The following DOCK3 variants were observed in gnomAD, a reference collection of about 807,000 sequenced individuals.
DOCK3 encodes dedicator of cytokinesis protein 3.
DOCK3 carries 60 observed loss-of-function variants against 265.6 expected under a neutral mutation model. The ratio of observed to expected loss-of-function variants is 0.23; its 90% CI spans 0.18 to 0.28. The LOEUF is 0.28. DOCK3 is among the 10% of genes least tolerant of loss of function. DOCK3 has a pLI of 1.00. For synonymous variants in DOCK3, 881 were observed against 938.0 expected (o/e 0.94, Z 1.11); for missense variants, 1,981 against 2,594.3 (o/e 0.76, Z 5.14).
In DOCK3 at chr3:51,107,192, G is replaced by GA. The variant is rs200220461; in HGVS notation, c.746+16817dup. ...CAAGGTCATTAAGTAGTATAAAAGG[G>GA]AAAAAAAAACCATCCAAAGGATAGC... On this transcript the variant is annotated intron_variant, in intron 9 of 52. Coordinates refer to ENST00000266037, the MANE Select transcript of DOCK3 (RefSeq NM_004947.5). 1.7e-3 allele frequency among the ~76,000 whole-genome samples: 251 copies of GA among 150,128 alleles called. 1 individual carries two copies. Among genetic ancestry groups the GA allele is most frequent in the Admixed American group, 6.5e-3 (98 of 15,066 alleles).
In DOCK3 at chr3:50,937,426, G is replaced by A. The variant is rs560759584; in HGVS notation, c.315+3349G>A. On this transcript the variant is annotated intron_variant, in intron 5 of 52. Coordinates refer to ENST00000266037, the MANE Select transcript of DOCK3 (RefSeq NM_004947.5). The stretch of plus-strand genomic sequence containing the variant: ...TCCCAGCACTTTGGGAGGCCGAGGC[G>A]GGCAGATCACGAGGTCAGGAGATTG... Among the ~76,000 whole-genome samples, 16 of 152,160 alleles carry A rather than the reference G, an allele frequency of 1.1e-4. No individual in the cohort carries two copies. In the South Asian group the frequency reaches 2.3e-3, roughly 22 times the overall value.
At chr3:51,019,946 G>A (rs571448346) in intron 5 of DOCK3, among the ~76,000 whole-genome samples, 9 of 151,884 alleles carry the variant, frequency 5.9e-5, no homozygotes, top group South Asian at 4.2e-4. Context: ...ATATATGTGC[G>A]CATGTGTCTT....
chr3:50,888,562 A>C (rs2107714726), intron 3 of DOCK3, among the ~76,000 whole-genome samples: 1 of 152,280 alleles, frequency 6.6e-6, no homozygotes, highest in South Asian at 2.1e-4. Flanking sequence ...AGTCAATCCT[A>C]AGCCGAAAGA....
intron 12 of DOCK3, among the ~76,000 whole-genome samples, chr3:51,188,896 A>G (rs978600989): frequency 1.9e-4 from 29 of 152,314 alleles, no homozygotes; most frequent in African/African-American, 6.7e-4. Context: ...TAGTGCTGCA[A>G]TAAACATGTG....
In DOCK3 at chr3:50,901,776, T is replaced by C. The variant is rs902239833; in HGVS notation, c.218+11695T>C. ...TGGGTGAGGCGACACCCTACCCTGC[T>C]TCAGCTCTCCCTCTGTGGGTTGCAC... On this transcript the variant is annotated intron_variant, in intron 4 of 52. Coordinates refer to ENST00000266037, the MANE Select transcript of DOCK3 (RefSeq NM_004947.5). The C allele has an allele frequency of 1.8e-5, 8 of 433,156 alleles. No individual in the cohort carries two copies. The Admixed American group carries it at 1.9e-4, about 10-fold the overall frequency. 26.8% of individuals were successfully genotyped at this position (433,156 alleles called of 1,614,324 possible). A position where few individuals can be genotyped will look rare whatever the true frequency, so the allele number is the denominator to read the frequency against.
intron 38 of DOCK3, 70 bp downstream of exon 38, chr3:51,341,455 G>A: frequency 1.1e-5 from 18 of 1,584,648 alleles, no homozygotes; most frequent in Non-Finnish European, 1.0e-5. Flanking sequence ...TGACACCATA[G>A]GGTTAACAGC....
chr3:51,373,986 A>C (rs959551518), intron 49 of DOCK3, among the ~76,000 whole-genome samples: 3 of 152,192 alleles, frequency 2.0e-5, no homozygotes, highest in Non-Finnish European at 4.4e-5. Context: ...TGTCAGGAGA[A>C]GGTAAGTGCG....
intron 12 of DOCK3, among the ~76,000 whole-genome samples, chr3:51,180,225 A>C (rs200769919): frequency 6.6e-4 from 96 of 145,578 alleles, no homozygotes; most frequent in East Asian, 4.4e-3. Context: ...AAAAAAAAAA[A>C]ACACACACAC....
At chr3:50,918,480 T>C (rs1205377931) in intron 4 of DOCK3, among the ~76,000 whole-genome samples, 2 of 152,176 alleles carry the variant, frequency 1.3e-5, no homozygotes, top group Non-Finnish European at 2.9e-5. Flanking sequence ...TATCTCATTG[T>C]GGTTTTGATT....
chr3:50,992,831 GA>G (rs1421878825), intron 5 of DOCK3, among the ~76,000 whole-genome samples: 4 of 152,086 alleles, frequency 2.6e-5, no homozygotes, highest in Non-Finnish European at 4.4e-5. Context: ...ACCGAGCCAG[GA>G]AGAAATTGAT....
chr3:50,747,795 C>T (rs920165330), intron 1 of DOCK3, among the ~76,000 whole-genome samples: 1 of 148,126 alleles, frequency 6.8e-6, no homozygotes, highest in Admixed American at 6.8e-5. Flanking sequence ...ACCTGGGAGG[C>T]GGAGGTTGCA....
At chr3:50,980,654 C>T (rs772012262) in intron 5 of DOCK3, among the ~76,000 whole-genome samples, 7 of 151,982 alleles carry the variant, frequency 4.6e-5, no homozygotes, top group South Asian at 4.2e-4. Flanking sequence ...CTGGTTTATT[C>T]GGGTTTTCTT....
chr3:50,804,934 G>T (rs2043324412), intron 2 of DOCK3, among the ~76,000 whole-genome samples: 1 of 151,996 alleles, frequency 6.6e-6, no homozygotes, highest in South Asian at 2.1e-4. Flanking sequence ...CCCCAATTTT[G>T]TTGAATCATC....
At chr3:50,813,611 A>T (rs769181578) in intron 2 of DOCK3, among the ~76,000 whole-genome samples, 10 of 152,330 alleles carry the variant, frequency 6.6e-5, no homozygotes, top group East Asian at 3.9e-4. Context: ...GAACCACCTT[A>T]AGTTCAGATG....
chr3:50,783,607 G>A (rs575717526), intron 2 of DOCK3, among the ~76,000 whole-genome samples: 3 of 151,982 alleles, frequency 2.0e-5, no homozygotes, highest in African/African-American at 4.8e-5. Context: ...TTAGTCCTTC[G>A]TTAGATGCAT....
At chr3:51,249,024 C>G (rs1259803755) in intron 22 of DOCK3, among the ~76,000 whole-genome samples, 4 of 143,822 alleles carry the variant, frequency 2.8e-5, no homozygotes, top group East Asian at 2.2e-4. Flanking sequence ...AGTGAGGAGC[C>G]TCTCCGCCCG....
intron 9 of DOCK3, among the ~76,000 whole-genome samples, chr3:51,123,712 G>T (rs537884927): frequency 6.6e-6 from 1 of 152,312 alleles, no homozygotes; most frequent in African/African-American, 2.4e-5. Flanking sequence ...TTTATTGGGG[G>T]CTGTCACATG....
intron 12 of DOCK3, 95 bp from the exon 13 acceptor site, chr3:51,208,679 A>T (rs1251984490): frequency 3.2e-6 from 3 of 943,420 alleles, no homozygotes; most frequent in Non-Finnish European, 4.8e-6. Context: ...AAAGTGAGGG[A>T]TCCTTTTCCC....
intron 1 of DOCK3, among the ~76,000 whole-genome samples, chr3:50,769,425 A>G (rs1373922964): frequency 6.6e-6 from 1 of 152,224 alleles, no homozygotes; most frequent in Non-Finnish European, 1.5e-5. Context: ...CATAGCTAAC[A>G]TCATACTGAA....
Sources: gnomAD v4.1 joint callset for allele counts (sites outside exome capture counted in the v4.1 genomes callset) on GRCh38, gnomAD v4.1.1 for gene constraint, MANE v1.5 for transcripts, NCBI Gene and HGNC (gene_info 2026-07-23, HGNC 2026-07-21) for gene names.